PLCH1: variants seen among roughly 807,000 people sequenced by gnomAD.
The protein encoded by PLCH1 is phospholipase C eta 1, also known as 1-phosphatidylinositol 4,5-bisphosphate phosphodiesterase eta-1.
A neutral mutation model predicts 126.7 loss-of-function variants in PLCH1; 60 were observed. That is an observed-to-expected ratio of 0.47 (90% CI 0.38 to 0.59). The LOEUF (loss-of-function observed/expected upper bound fraction) is 0.59, where lower values mean the gene tolerates loss of function less well. Ranked by LOEUF, PLCH1 falls within the 20% of genes least tolerant of loss-of-function variation. The pLI, the probability that PLCH1 is intolerant of heterozygous loss-of-function variation, is 0.00. For missense variants in PLCH1, 1,723 were observed against 2,040.0 expected (o/e 0.84, Z 2.99); for synonymous variants, 719 against 734.9 (o/e 0.98, Z 0.35).
intron 2 of PLCH1, chr3:155,657,638 C>T (rs573815216): frequency 3.9e-5 from 6 of 152,286 alleles, no homozygotes; most frequent in East Asian, 3.9e-4. Flanking sequence ...TCTGAAACTA[C>T]GCTTATTGAG....
chr3:155,663,982 C>T (rs1742457126), intron 2 of PLCH1, among the ~76,000 whole-genome samples: 1 of 152,154 alleles, frequency 6.6e-6, no homozygotes, highest in South Asian at 2.1e-4. Context: ...CATTCCTCAG[C>T]CAACTGTCTT....
At chr3:155,585,792 T>G (rs895261415) in intron 5 of PLCH1, among the ~76,000 whole-genome samples, 3 of 152,180 alleles carry the variant, frequency 2.0e-5, no homozygotes, top group African/African-American at 7.2e-5. Flanking sequence ...ATTACTGTCC[T>G]CTCAAAGGGA....
chr3:155,590,439 G>A (rs1731983735), intron 4 of PLCH1, among the ~76,000 whole-genome samples: 2 of 152,090 alleles, frequency 1.3e-5, no homozygotes, highest in Non-Finnish European at 2.9e-5. Flanking sequence ...TTAGCCGGGC[G>A]TGGTGGCGGG....
At chr3:155,626,392 C>T (rs1362887268) in intron 2 of PLCH1, among the ~76,000 whole-genome samples, 2 of 152,098 alleles carry the variant, frequency 1.3e-5, no homozygotes, top group Admixed American at 6.6e-5. Flanking sequence ...TGCCATATAA[C>T]TAACTCGGTC....
intron 2 of PLCH1, among the ~76,000 whole-genome samples, chr3:155,686,119 TGTGC>T (rs1404497824): frequency 3.9e-5 from 6 of 152,154 alleles, no homozygotes; most frequent in African/African-American, 1.4e-4. Context: ...AATAATCGTG[TGTGC>T]GTGCATGCAT....
At chr3:155,704,076 G>T in intron 2 of PLCH1, 70 bp downstream of exon 2, 1 of 578,506 alleles carries the variant, frequency 1.7e-6, no homozygotes, top group Non-Finnish European at 2.6e-6. Context: ...TGCATCTAGA[G>T]TGCTAGAATA....
chr3:155,676,504 G>A (rs1265231052), intron 2 of PLCH1: 11 of 519,190 alleles, frequency 2.1e-5, no homozygotes, highest in Admixed American at 6.4e-5. Flanking sequence ...ACTGATTACC[G>A]TGGGAGTGAC....
chr3:155,645,908 G>A (rs902892075), intron 2 of PLCH1, among the ~76,000 whole-genome samples: 5 of 152,142 alleles, frequency 3.3e-5, no homozygotes, highest in African/African-American at 1.2e-4. Flanking sequence ...AACTAGTGAG[G>A]CAGGTTAAGC....
intron 10 of PLCH1, among the ~76,000 whole-genome samples, chr3:155,529,911 C>T (rs1722448493): frequency 6.6e-6 from 1 of 152,074 alleles, no homozygotes; most frequent in East Asian, 1.9e-4. Context: ...GGATTACAGG[C>T]ATGCACCACC....
intron 2 of PLCH1, among the ~76,000 whole-genome samples, chr3:155,680,603 T>G (rs941437452): frequency 2.0e-5 from 3 of 152,164 alleles, no homozygotes; most frequent in African/African-American, 4.8e-5. Context: ...TGCTGTTAAG[T>G]TGTACATTGA....
At chr3:155,575,668 T>A (rs908904141) in intron 6 of PLCH1, among the ~76,000 whole-genome samples, 13 of 152,260 alleles carry the variant, frequency 8.5e-5, no homozygotes, top group Middle Eastern at 3.4e-3. Flanking sequence ...AATTTTAAAT[T>A]TTTTAAGTTA....
chr3:155,552,396 T>C (rs1246779446), intron 9 of PLCH1, among the ~76,000 whole-genome samples: 1 of 152,170 alleles, frequency 6.6e-6, no homozygotes, highest in Non-Finnish European at 1.5e-5. Context: ...GACAGAAATA[T>C]GTGCAGGGTG....
At chr3:155,458,497 A>AGAAC in intron 21 of PLCH1, among the ~76,000 whole-genome samples, 1 of 68,326 alleles carries the variant, frequency 1.5e-5, no homozygotes, top group East Asian at 5.0e-4. Flanking sequence ...AAAGAAAGAA[A>AGAAC]GAGAAAGAAG....
intron 2 of PLCH1, among the ~76,000 whole-genome samples, chr3:155,703,884 G>C (rs988087694): frequency 3.9e-5 from 6 of 152,200 alleles, no homozygotes; most frequent in African/African-American, 1.4e-4. Context: ...CAGTGTGGTA[G>C]AAGAGGAAAG....
At chr3:155,537,952 T>C (rs1723667364) in intron 10 of PLCH1, among the ~76,000 whole-genome samples, 1 of 152,038 alleles carries the variant, frequency 6.6e-6, no homozygotes, top group African/African-American at 2.4e-5. Flanking sequence ...ATATATTCTA[T>C]TAATTAGGAC....
chr3:155,514,667 G>A (rs1720060320), intron 12 of PLCH1, 56 bp downstream of exon 12: 4 of 1,145,460 alleles, frequency 3.5e-6, no homozygotes, highest in Non-Finnish European at 4.7e-6. Flanking sequence ...TAGAAACAAA[G>A]TATGAGATGC....
intron 1 of PLCH1, among the ~76,000 whole-genome samples, chr3:155,725,488 C>T (rs886896453): frequency 1.3e-5 from 2 of 149,382 alleles, no homozygotes; most frequent in African/African-American, 5.0e-5. Flanking sequence ...CACTCTGTCC[C>T]CCAGGCTGGA....
At chr3:155,588,683 C>T (rs909886846) in intron 4 of PLCH1, among the ~76,000 whole-genome samples, 4 of 152,070 alleles carry the variant, frequency 2.6e-5, no homozygotes, top group Admixed American at 2.6e-4. Context: ...GCCTTTAGCA[C>T]CAACACGGAA....
rs190339217 is a variant in PLCH1 at position 155,468,910 on chromosome 3, G to C, written c.2938+16446C>G. On this transcript the variant is annotated intron_variant, in intron 21 of 21. Transcript: ENST00000494598. ...AACATGAGACTTAATCCGCACTACA[G>C]ACAAAATAGATCTAACAGGTATTTA... Among the ~76,000 whole-genome samples the C allele has an allele frequency of 1.5e-3, 235 of 152,276 alleles. 1 individual carries two copies. The highest frequency in any genetic ancestry group is 5.4e-3 in the African/African-American group (223 of 41,558).
Sources: gnomAD v4.1 joint callset for allele counts (sites outside exome capture counted in the v4.1 genomes callset) on GRCh38, gnomAD v4.1.1 for gene constraint, MANE v1.5 for transcripts, NCBI Gene and HGNC (gene_info 2026-07-23, HGNC 2026-07-21) for gene names.